APBA1: variants seen among roughly 807,000 people sequenced by gnomAD.
The protein encoded by APBA1 is amyloid-beta A4 precursor protein-binding family A member 1.
In APBA1, 55 loss-of-function variants were observed where a neutral mutation model predicts 86.6. The observed-to-expected ratio is 0.64, with a 90% CI of 0.51 to 0.80. The LOEUF is 0.80. Among genes scored for constraint, APBA1 ranks in the 30% least tolerant of loss-of-function variants. The pLI, the probability that APBA1 is intolerant of heterozygous loss-of-function variation, is 0.00. For missense variants in APBA1, 1,090 were observed against 1,183.0 expected (o/e 0.92, Z 1.15); for synonymous variants, 511 against 493.9 (o/e 1.03, Z -0.46).
At chr9:69,465,329 T>C (rs1835258337) in intron 5 of APBA1, 1 of 152,184 alleles carries the variant, frequency 6.6e-6, no homozygotes, top group African/African-American at 2.4e-5. Flanking sequence ...AACAGCACCA[T>C]TCACCTGGAA....
intron 11 of APBA1, 53 bp from the exon 12 acceptor site, chr9:69,432,729 G>C: frequency 7.1e-7 from 1 of 1,405,840 alleles, no homozygotes; most frequent in Non-Finnish European, 9.3e-7. Flanking sequence ...CGGTGGGGCT[G>C]GAAGGCCGTC....
intron 5 of APBA1, chr9:69,463,100 T>A (rs1835217741): frequency 1.3e-5 from 2 of 151,418 alleles, no homozygotes; most frequent in South Asian, 2.1e-4. Context: ...AACAAAAAAA[T>A]GTTTAATGAC....
rs534710873 is a variant in APBA1 at position 69,626,961 on chromosome 9, T to C, written c.-70+45192A>G. Reference sequence around the variant, plus strand: ...ATTATTTTAAATAATACCTTTACTTTTGCAGATTTCTACCTCAGTAATTTT... The same window carrying C: ...ATTATTTTAAATAATACCTTTACTTCTGCAGATTTCTACCTCAGTAATTTT... On this transcript the variant is annotated intron_variant, in intron 1 of 12. Transcript: ENST00000265381. Among the ~76,000 whole-genome samples, 376 of 152,264 alleles carry C rather than the reference T, an allele frequency of 2.5e-3. 3 individuals are homozygous for C. The highest frequency in any genetic ancestry group is 8.7e-3 in the African/African-American group (363 of 41,558).
rs768508523 is a variant in APBA1, at chr9:69,456,413, G to A, written c.1622C>T (p.Pro541Leu). The A allele has an allele frequency of 1.9e-6, 3 of 1,603,034 alleles. No individual in the cohort carries two copies. The highest frequency in any genetic ancestry group is 2.6e-6 in the Non-Finnish European group (3 of 1,173,402). The stretch of plus-strand genomic sequence containing the variant: ...CGCAATGTAGGAAATGGTCCTCAGA[G>A]GGTGGTCCATCATTGTCTCCTGGAG... ...ADTQETMMDH[P>L]LRTISYIADI... is the part of the protein sequence containing the mutation. Residue 541 changes from proline to leucine, a missense_variant, in exon 8 of 13, where the codon CCT (proline) becomes CTT (leucine). By Grantham distance (98) the Pro-to-Leu change is moderately conservative (BLOSUM62 -3). Coordinates refer to ENST00000265381, the MANE Select transcript of APBA1 (RefSeq NM_001163.4).
At chr9:69,491,781 T>C (rs1220717830) in intron 2 of APBA1, among the ~76,000 whole-genome samples, 2 of 117,448 alleles carry the variant, frequency 1.7e-5, no homozygotes, top group African/African-American at 6.0e-5. Flanking sequence ...TTTTTTTTTT[T>C]TGAGATGGAG....
intron 1 of APBA1, among the ~76,000 whole-genome samples, chr9:69,549,447 C>T (rs1225830139): frequency 6.6e-6 from 1 of 152,198 alleles, no homozygotes; most frequent in Non-Finnish European, 1.5e-5. Flanking sequence ...CCCACTTTCA[C>T]CCAAAGTTGT....
intron 1 of APBA1, among the ~76,000 whole-genome samples, chr9:69,523,497 G>GTATATATATATATATATATATA (rs869242999): frequency 1.3e-4 from 4 of 30,904 alleles, no homozygotes; most frequent in Non-Finnish European, 2.7e-4. Context: ...ATATATATAT[G>GTATATATATATATATATATATA]TATATATATA....
intron 1 of APBA1, among the ~76,000 whole-genome samples, chr9:69,537,952 C>T (rs1037395328): frequency 5.3e-5 from 8 of 151,932 alleles, no homozygotes; most frequent in Admixed American, 1.3e-4. Context: ...AGTGATGCCA[C>T]TTAGCAAAGA....
At chr9:69,536,704 TAAAAAAAAAAAA>T (rs71356116) in intron 1 of APBA1, among the ~76,000 whole-genome samples, 10 of 55,934 alleles carry the variant, frequency 1.8e-4, no homozygotes, top group African/African-American at 6.3e-4. Flanking sequence ...CCATCTCTAC[TAAAAAAAAAAAA>T]AAAAAAAAAA....
intron 8 of APBA1, among the ~76,000 whole-genome samples, chr9:69,455,149 T>C (rs1482203399): frequency 2.0e-5 from 3 of 152,154 alleles, no homozygotes; most frequent in Non-Finnish European, 4.4e-5. Context: ...AATGCTGTAC[T>C]GGAGAAGAAG....
intron 2 of APBA1, among the ~76,000 whole-genome samples, chr9:69,487,520 C>A (rs551691451): frequency 2.6e-5 from 4 of 152,176 alleles, no homozygotes; most frequent in Admixed American, 6.5e-5. Context: ...GAAACTTGGT[C>A]CCCACTGCAG....
chr9:69,649,923 T>A (rs1436739506), intron 1 of APBA1, among the ~76,000 whole-genome samples: 1 of 152,168 alleles, frequency 6.6e-6, no homozygotes, highest in Admixed American at 6.5e-5. Context: ...CCTTTAAACA[T>A]CTGATTAATG....
intron 1 of APBA1, among the ~76,000 whole-genome samples, chr9:69,540,032 A>G (rs113976327): frequency 0.015 from 2,215 of 152,118 alleles, 50 homozygotes; most frequent in African/African-American, 0.05. Context: ...AGGCAGGAGA[A>G]TTGCTTGAAC....
chr9:69,627,321 T>C (rs140045567), intron 1 of APBA1, among the ~76,000 whole-genome samples: 1 of 152,308 alleles, frequency 6.6e-6, no homozygotes, highest in Non-Finnish European at 1.5e-5. Context: ...GGGTTTTTAT[T>C]TCTCCTTCTC....
chr9:69,604,498 A>G (rs1822425381), intron 1 of APBA1, among the ~76,000 whole-genome samples: 1 of 138,162 alleles, frequency 7.2e-6, no homozygotes, highest in Non-Finnish European at 1.5e-5. Flanking sequence ...GGAGAGGCAC[A>G]TGAGTGTGGG....
chr9:69,618,001 A>G (rs1822737510), intron 1 of APBA1, among the ~76,000 whole-genome samples: 1 of 152,168 alleles, frequency 6.6e-6, no homozygotes, highest in Admixed American at 6.5e-5. Flanking sequence ...AAGAGCAGCA[A>G]ATACATTTTC....
At chr9:69,511,549 T>A (rs986358833) in intron 2 of APBA1, among the ~76,000 whole-genome samples, 1 of 151,774 alleles carries the variant, frequency 6.6e-6, no homozygotes, top group Non-Finnish European at 1.5e-5. Context: ...GAAATACCAT[T>A]TGACCCAGCC....
At chr9:69,663,371 A>G (rs1047860164) in intron 1 of APBA1, among the ~76,000 whole-genome samples, 2 of 152,362 alleles carry the variant, frequency 1.3e-5, no homozygotes, top group South Asian at 4.1e-4. Flanking sequence ...ACAGAATGCA[A>G]CCCACTTTAG....
intron 10 of APBA1, among the ~76,000 whole-genome samples, chr9:69,447,218 G>C (rs1276058946): frequency 6.6e-6 from 1 of 152,062 alleles, no homozygotes; most frequent in African/African-American, 2.4e-5. Context: ...TTGGGATTAG[G>C]GTTTCAATAT....
Sources: allele counts gnomAD v4.1 joint callset (sites outside exome capture counted in the v4.1 genomes callset), GRCh38; gene constraint gnomAD v4.1.1; transcripts MANE v1.5; gene names NCBI Gene and HGNC (gene_info 2026-07-23, HGNC 2026-07-21).